CSMD1: variants seen among roughly 807,000 people sequenced by gnomAD.
The protein encoded by CSMD1 is CUB and sushi domain-containing protein 1.
CSMD1 carries 213 observed loss-of-function variants against 417.5 expected under a neutral mutation model. The ratio of observed to expected loss-of-function variants is 0.51; its 90% confidence interval spans 0.46 to 0.57. The LOEUF (loss-of-function observed/expected upper bound fraction) is 0.57, where lower values mean the gene tolerates loss of function less well. Ranked by LOEUF, CSMD1 falls within the 20% of genes least tolerant of loss-of-function variation. The pLI is 0.00. For synonymous variants in CSMD1, 2,862 were observed against 1,736.8 expected (o/e 1.65, Z -16.11); for missense variants, 6,923 against 4,529.7 (o/e 1.53, Z -15.17).
At chr8:4,090,781 T>C (rs529985167) in intron 3 of CSMD1, among the ~76,000 whole-genome samples, 3 of 152,326 alleles carry the variant, frequency 2.0e-5, no homozygotes, top group South Asian at 2.1e-4. Context: ...TAATTAATAA[T>C]TCACTGGTGC....
At chr8:4,031,838 T>TA in intron 4 of CSMD1, 67 bp downstream of exon 4, 3 of 1,251,612 alleles carry the variant, frequency 2.4e-6, no homozygotes, top group Non-Finnish European at 2.2e-6. Context: ...GAAACTTTCA[T>TA]AAAAGCATCT....
intron 1 of CSMD1, among the ~76,000 whole-genome samples, chr8:4,959,267 G>C (rs1809322393): frequency 6.6e-6 from 1 of 152,154 alleles, no homozygotes; most frequent in African/African-American, 2.4e-5. Flanking sequence ...ATATGTTTTG[G>C]AAAAGCTAAG....
At chr8:4,614,516 A>G (rs1801363718) in intron 2 of CSMD1, among the ~76,000 whole-genome samples, 2 of 152,184 alleles carry the variant, frequency 1.3e-5, no homozygotes, top group African/African-American at 2.4e-5. Context: ...TCATATACTA[A>G]TAAGAATTAT....
chr8:4,291,693 G>A (rs556254134), intron 3 of CSMD1, among the ~76,000 whole-genome samples: 25 of 152,170 alleles, frequency 1.6e-4, no homozygotes, highest in African/African-American at 5.5e-4. Context: ...TTTATTCAAC[G>A]GGTGGTAAAA....
intron 5 of CSMD1, among the ~76,000 whole-genome samples, chr8:3,892,253 G>C (rs748357039): frequency 3.9e-5 from 6 of 152,126 alleles, no homozygotes; most frequent in Non-Finnish European, 8.8e-5. Flanking sequence ...TCAGATACCT[G>C]AACATTCAAT....
At chr8:4,703,960 C>A (rs1168533541) in intron 1 of CSMD1, among the ~76,000 whole-genome samples, 1 of 152,136 alleles carries the variant, frequency 6.6e-6, no homozygotes, top group Non-Finnish European at 1.5e-5. Context: ...CTAGATCCCT[C>A]ACACATGCAG....
intron 2 of CSMD1, among the ~76,000 whole-genome samples, chr8:4,574,678 C>G (rs182359696): frequency 2.8e-3 from 434 of 152,308 alleles, no homozygotes; most frequent in African/African-American, 9.1e-3. Context: ...GCTATACGCT[C>G]TCTTCCAGAT....
intron 23 of CSMD1, among the ~76,000 whole-genome samples, chr8:3,311,241 C>T (rs186061448): frequency 2.3e-4 from 35 of 151,908 alleles, no homozygotes; most frequent in Non-Finnish European, 4.4e-5. Context: ...GTCCTCCCCA[C>T]TACTAATAAC....
intron 5 of CSMD1, among the ~76,000 whole-genome samples, chr8:3,961,097 G>C (rs1430862685): frequency 6.6e-6 from 1 of 152,022 alleles, no homozygotes; most frequent in Non-Finnish European, 1.5e-5. Flanking sequence ...AGGCTACAAA[G>C]TCTCCAAGAA....
chr8:3,102,788 G>C (rs933594164), intron 46 of CSMD1, among the ~76,000 whole-genome samples: 2 of 152,194 alleles, frequency 1.3e-5, no homozygotes, highest in African/African-American at 4.8e-5. Context: ...AAAGCTGTAA[G>C]AGCCAGCGCC....
intron 2 of CSMD1, among the ~76,000 whole-genome samples, chr8:4,486,459 A>G (rs952836464): frequency 3.8e-4 from 57 of 151,474 alleles, no homozygotes; most frequent in Middle Eastern, 3.2e-3. Flanking sequence ...TATATTTTAA[A>G]AATATTTCTT....
chr8:4,521,301 A>T (rs1025778593), intron 2 of CSMD1, among the ~76,000 whole-genome samples: 4 of 152,204 alleles, frequency 2.6e-5, no homozygotes, highest in African/African-American at 7.2e-5. Flanking sequence ...TTCCTTCCAG[A>T]TAAATGAGTA....
At chr8:4,284,138 A>G (rs1177445382) in intron 3 of CSMD1, among the ~76,000 whole-genome samples, 1 of 152,080 alleles carries the variant, frequency 6.6e-6, no homozygotes, top group African/African-American at 2.4e-5. Context: ...GAGGCCGAGA[A>G]GGGTGGATCA....
At chr8:4,464,622 G>C (rs1208397423) in intron 2 of CSMD1, among the ~76,000 whole-genome samples, 1 of 152,132 alleles carries the variant, frequency 6.6e-6, no homozygotes, top group East Asian at 1.9e-4. Flanking sequence ...TATTGTAAAA[G>C]GGTAAGAGTC....
chr8:4,157,213 T>C (rs1796882881), intron 3 of CSMD1, among the ~76,000 whole-genome samples: 1 of 152,266 alleles, frequency 6.6e-6, no homozygotes, highest in South Asian at 2.1e-4. Context: ...CATTTCAGTG[T>C]CCACAGAAGG....
chr8:4,296,838 G>A (rs1797714648), intron 3 of CSMD1, among the ~76,000 whole-genome samples: 1 of 151,730 alleles, frequency 6.6e-6, no homozygotes, highest in Non-Finnish European at 1.5e-5. Flanking sequence ...TATCTGTGGA[G>A]GGCCTGCTAT....
chr8:3,013,166 AC>A (rs1158977161), intron 52 of CSMD1, among the ~76,000 whole-genome samples: 1 of 152,212 alleles, frequency 6.6e-6, no homozygotes, highest in East Asian at 1.9e-4. Context: ...GCTATTACAA[AC>A]CCATGAATGG....
intron 2 of CSMD1, among the ~76,000 whole-genome samples, chr8:4,471,039 G>T (rs1192992480): frequency 6.6e-6 from 1 of 152,014 alleles, no homozygotes; most frequent in Non-Finnish European, 1.5e-5. Flanking sequence ...TTTTGAACTT[G>T]CAAGGTCTAA....
At chr8:4,046,346 T>G (rs944751037) in intron 3 of CSMD1, among the ~76,000 whole-genome samples, 1 of 152,214 alleles carries the variant, frequency 6.6e-6, no homozygotes, top group Non-Finnish European at 1.5e-5. Flanking sequence ...ATAGACTCAA[T>G]GTTATCATTA....
Sources: allele counts gnomAD v4.1 joint callset (sites outside exome capture counted in the v4.1 genomes callset), GRCh38; gene constraint gnomAD v4.1.1; transcripts MANE v1.5; gene names NCBI Gene and HGNC (gene_info 2026-07-23, HGNC 2026-07-21).